The following DSCAM variants were observed in gnomAD, a reference collection of about 807,000 sequenced individuals.
DSCAM encodes the protein DS cell adhesion molecule.
DSCAM carries 47 observed loss-of-function variants against 217.7 expected under a neutral mutation model. The observed-to-expected ratio is 0.22, with a 90% confidence interval of 0.17 to 0.28. The LOEUF (loss-of-function observed/expected upper bound fraction) is 0.28, where lower values mean the gene tolerates loss of function less well. Among genes scored for constraint, DSCAM ranks in the 10% least tolerant of loss-of-function variants. The probability of loss-of-function intolerance (pLI) is 1.00; values close to 1 mark genes in which losing one functional copy is unlikely to be tolerated. For synonymous variants in DSCAM, 1,056 were observed against 1,015.3 expected, an observed-to-expected ratio of 1.04 and a Z score of -0.76; for missense variants, 2,080 against 2,618.3, an observed-to-expected ratio of 0.79 and a Z score of 4.49.
chr21:40,032,956 T>C (rs2146452256), intron 32 of DSCAM, among the ~76,000 whole-genome samples: 1 of 152,290 alleles, frequency 6.6e-6, no homozygotes, highest in Non-Finnish European at 1.5e-5. Flanking sequence ...AGCCTCCAAC[T>C]AACAAAGCAT....
intron 11 of DSCAM, among the ~76,000 whole-genome samples, chr21:40,266,651 A>ATATATATATT (rs2073535168): frequency 4.0e-5 from 5 of 123,912 alleles, no homozygotes; most frequent in African/African-American, 1.6e-4. Context: ...ATATATATAT[A>ATATATATATT]TATATATATA....
rs1389834089 is a variant in DSCAM at position 40,171,570 on chromosome 21, T to TAA, written c.2948-4284_2948-4283dup. ...GTGAAAGCATTTGGATCCCTCCTCCTAAAAAAAAAAAAAAAGTGATGAAAA... is the reference window on the plus strand; with the variant it reads ...GTGAAAGCATTTGGATCCCTCCTCCTAAAAAAAAAAAAAAAAAGTGATGAAAA... On this transcript the variant is annotated intron_variant, in intron 15 of 32. Coordinates refer to ENST00000400454, the MANE Select transcript of DSCAM (RefSeq NM_001389.5). 6.4e-5 allele frequency among the ~76,000 whole-genome samples: 8 copies of TAA among 124,114 alleles called. No homozygotes were observed. The East Asian group carries it at 6.6e-4, about 10-fold the overall frequency. 81.4% of individuals were successfully genotyped at this position (124,114 alleles called of 152,430 possible). A position where few individuals can be genotyped will look rare whatever the true frequency, so the allele number is the denominator to read the frequency against.
At chr21:40,640,827 C>T (rs1448946986) in intron 3 of DSCAM, among the ~76,000 whole-genome samples, 2 of 151,220 alleles carry the variant, frequency 1.3e-5, no homozygotes, top group Non-Finnish European at 2.9e-5. Flanking sequence ...CTGCCACACT[C>T]ACACCCCACA....
At chr21:40,252,729 T>TA (rs2073321467) in intron 11 of DSCAM, among the ~76,000 whole-genome samples, 1 of 152,178 alleles carries the variant, frequency 6.6e-6, no homozygotes, top group African/African-American at 2.4e-5. Context: ...AGGATCAAAG[T>TA]ATCACATCCT....
chr21:40,335,590 C>T (rs1413620060), intron 8 of DSCAM, among the ~76,000 whole-genome samples: 1 of 152,078 alleles, frequency 6.6e-6, no homozygotes, highest in Non-Finnish European at 1.5e-5. Context: ...CCTATTTATC[C>T]AATGGTCATA....
chr21:40,538,534 T>G (rs1001681784), intron 3 of DSCAM, among the ~76,000 whole-genome samples: 5 of 152,218 alleles, frequency 3.3e-5, no homozygotes, highest in African/African-American at 9.6e-5. Context: ...GGCCCAAAAC[T>G]AAAAGCGAGC....
chr21:40,020,150 A>G lies in DSCAM; in HGVS notation c.5687-6764T>C, dbSNP rs573169642. ...CATACTGTTCTCATGGTAGTGGATGAGTCTCACAAGGTCTGATGGCTTTAT... is the reference window on the plus strand; with the variant it reads ...CATACTGTTCTCATGGTAGTGGATGGGTCTCACAAGGTCTGATGGCTTTAT... On this transcript the variant is annotated intron_variant, in intron 32 of 32. Coordinates refer to ENST00000400454, the MANE Select transcript of DSCAM (RefSeq NM_001389.5). 7.2e-5 allele frequency among the ~76,000 whole-genome samples: 11 copies of G among 152,278 alleles called. No homozygotes were observed. The South Asian group carries it at 1.5e-3, about 20-fold the overall frequency.
chr21:40,044,616 A>T (rs1405132776), intron 30 of DSCAM, among the ~76,000 whole-genome samples: 2 of 152,212 alleles, frequency 1.3e-5, no homozygotes, highest in Non-Finnish European at 2.9e-5. Flanking sequence ...CAACAATTAC[A>T]GGACAAAACA....
At chr21:40,204,510 GA>G (rs1411561900) in intron 11 of DSCAM, among the ~76,000 whole-genome samples, 2 of 152,116 alleles carry the variant, frequency 1.3e-5, no homozygotes, top group Non-Finnish European at 2.9e-5. Context: ...TCTCATAAAG[GA>G]AAACCTTAAA....
At chr21:40,716,406 T>G (rs2146498172) in intron 1 of DSCAM, among the ~76,000 whole-genome samples, 1 of 151,814 alleles carries the variant, frequency 6.6e-6, no homozygotes, top group African/African-American at 2.4e-5. Context: ...GTGTGAAAGT[T>G]CCTAAAAAAT....
intron 1 of DSCAM, among the ~76,000 whole-genome samples, chr21:40,756,108 T>A (rs887101952): frequency 6.6e-6 from 1 of 152,198 alleles, no homozygotes; most frequent in Non-Finnish European, 1.5e-5. Flanking sequence ...GGTGACTGAA[T>A]CATGGGGGTG....
chr21:40,769,162 T>G (rs2091422883), intron 1 of DSCAM, among the ~76,000 whole-genome samples: 1 of 152,104 alleles, frequency 6.6e-6, no homozygotes, highest in South Asian at 2.1e-4. Context: ...CTGTGCTGAA[T>G]CCCCACTGCA....
intron 3 of DSCAM, among the ~76,000 whole-genome samples, chr21:40,434,307 T>G (rs564056835): frequency 6.6e-6 from 1 of 152,356 alleles, no homozygotes; most frequent in Non-Finnish European, 1.5e-5. Flanking sequence ...AGTGTGCTCA[T>G]GCCAACACGG....
intron 3 of DSCAM, among the ~76,000 whole-genome samples, chr21:40,410,147 G>C (rs1001856916): frequency 6.6e-6 from 1 of 151,966 alleles, no homozygotes; most frequent in Non-Finnish European, 1.5e-5. Context: ...AGTATAAATG[G>C]AAATAGAATA....
At chr21:40,572,801 C>T (rs1273124354) in intron 3 of DSCAM, among the ~76,000 whole-genome samples, 1 of 152,150 alleles carries the variant, frequency 6.6e-6, no homozygotes, top group Non-Finnish European at 1.5e-5. Context: ...GAAAAGCTCA[C>T]ATTCACCATG....
At chr21:40,181,483 T>C (rs1363723396) in intron 14 of DSCAM, among the ~76,000 whole-genome samples, 1 of 152,134 alleles carries the variant, frequency 6.6e-6, no homozygotes, top group Non-Finnish European at 1.5e-5. Flanking sequence ...TTGTACAACA[T>C]CCTGTCAAGG....
At chr21:40,334,402 C>T (rs2074407725) in intron 8 of DSCAM, among the ~76,000 whole-genome samples, 1 of 152,212 alleles carries the variant, frequency 6.6e-6, no homozygotes, top group African/African-American at 2.4e-5. Flanking sequence ...GGCCAGAAGC[C>T]TGACCTGATC....
intron 11 of DSCAM, among the ~76,000 whole-genome samples, chr21:40,256,269 T>C (rs1310370307): frequency 6.6e-6 from 1 of 152,124 alleles, no homozygotes; most frequent in African/African-American, 2.4e-5. Context: ...GGTATTTAGG[T>C]ATTTAGGCTG....
chr21:40,809,209 C>T (rs1033416366), intron 1 of DSCAM, among the ~76,000 whole-genome samples: 2 of 152,076 alleles, frequency 1.3e-5, no homozygotes, highest in Non-Finnish European at 2.9e-5. Context: ...AGGCAAGAGA[C>T]AACAGCTGCC....
Sources: gnomAD v4.1 joint callset for allele counts (sites outside exome capture counted in the v4.1 genomes callset) on GRCh38, gnomAD v4.1.1 for gene constraint, MANE v1.5 for transcripts, NCBI Gene and HGNC (gene_info 2026-07-23, HGNC 2026-07-21) for gene names.